The following SH2D6 variants were observed in gnomAD, a reference collection of about 807,000 sequenced individuals.
SH2D6 encodes the protein SH2 domain-containing protein 6.
Under a neutral mutation model 30.2 loss-of-function variants are expected in SH2D6, and 31 were observed. The observed-to-expected ratio is 1.03, with a 90% CI of 0.77 to 1.38. The LOEUF is 1.38. Among genes scored for constraint, SH2D6 ranks in the 40% most tolerant of loss-of-function variants. SH2D6 has a pLI of 0.00. For synonymous variants in SH2D6, 93 were observed against 104.6 expected, an observed-to-expected ratio of 0.89 and a Z score of 0.68; for missense variants, 240 against 266.8, an observed-to-expected ratio of 0.90 and a Z score of 0.70.
intron 16 of SH2D6, 22 bp from the exon 17 acceptor site, chr2:85,434,011 A>C (rs1302817011): frequency 6.5e-6 from 10 of 1,547,656 alleles, no homozygotes; most frequent in Non-Finnish European, 8.7e-6. Flanking sequence ...AGCCGAGCCC[A>C]GCCTGCCCCT....
At chr2:85,422,398 A>C (rs893110243) in intron 3 of SH2D6, 32 bp from the exon 4 acceptor site, 8 of 152,298 alleles carry the variant, frequency 5.3e-5, no homozygotes, top group African/African-American at 1.9e-4. Context: ...GATTGAGTAA[A>C]TATCTAGAAA....
chr2:85,427,365 C>A (rs933290922), intron 6 of SH2D6, among the ~76,000 whole-genome samples: 29 of 152,246 alleles, frequency 1.9e-4, no homozygotes, highest in Non-Finnish European at 8.8e-5. Context: ...GAGAATGTCC[C>A]AATCTGCCTG....
At chr2:85,427,355 G>A (rs1268825877) in intron 6 of SH2D6, among the ~76,000 whole-genome samples, 1 of 152,234 alleles carries the variant, frequency 6.6e-6, no homozygotes, top group Non-Finnish European at 1.5e-5. Context: ...GATGGATAAA[G>A]AGAATGTCCC....
chr2:85,430,968 G>A lies in SH2D6; in HGVS notation c.251-242G>A, dbSNP rs1459752243. Among the ~76,000 whole-genome samples, 5 of 152,134 alleles carry A rather than the reference G, an allele frequency of 3.3e-5. No homozygotes were observed. The highest frequency in any genetic ancestry group is 1.2e-4 in the African/African-American group (5 of 41,424). On this transcript the variant is annotated intron_variant, in intron 12 of 23. Transcript: ENST00000469800. The surrounding 1 kb of genome is among the most constrained non-coding windows in gnomAD (Gnocchi z 4.3). ...AACACTTCTTCAGGCCAAGGGCGGG[G>A]GTGCTGGGAGAGCCCCGGCTGCCGC...
In SH2D6 at chr2:85,423,897, G is replaced by T. The variant is rs114535629; in HGVS notation, c.-309+1207G>T. 1.4e-3 allele frequency among the ~76,000 whole-genome samples: 208 copies of T among 152,330 alleles called. 2 individuals carry two copies. The highest frequency in any genetic ancestry group is 4.7e-3 in the African/African-American group (195 of 41,576). ...AACTTGAACCCAACCACAGAGTTCC[G>T]TTGGCTGTAGGCCCTTCCACCAGGA... On this transcript the variant is annotated intron_variant, in intron 5 of 23. Transcript: ENST00000469800.
In SH2D6 at chr2:85,434,127, G is replaced by C. The variant is rs1689099630; in HGVS notation, c.533+16G>C. 2 of 1,549,776 alleles carry C rather than the reference G, an allele frequency of 1.3e-6. No individual in the cohort carries two copies. The highest frequency in any genetic ancestry group is 1.4e-5 in the African/African-American group (1 of 73,158). ...TGGTGCCCAGGTAAGTGCCCCACCA[G>C]GTGTGCACCTGTGTGTATGTATGTG... On this transcript the variant is annotated intron_variant, in intron 17 of 23. Coordinates refer to ENST00000469800, the MANE Select transcript of SH2D6 (RefSeq NM_001394463.1).
intron 17 of SH2D6, 34 bp downstream of exon 17, chr2:85,434,145 T>G: frequency 1.9e-6 from 3 of 1,543,762 alleles, no homozygotes; most frequent in Non-Finnish European, 8.8e-7. Flanking sequence ...CCTGTGTGTA[T>G]GTATGTGAGA....
At position 85,435,439 on chromosome 2, in the gene SH2D6, G is replaced by A; in HGVS notation, c.675G>A (p.Trp225Ter). The stretch of plus-strand genomic sequence containing the variant: ...ACAGTGATCTGCTGACTCAGCCTTG[G>A]TACTCGGGGAACTGTGACCGCTATG... ...AEDSDLLTQP[W>*]YSGNCDRYAV... Residue 225 changes from tryptophan (W) to a stop codon, truncating the protein, a stop_gained, in exon 21 of 24, where the codon TGG (tryptophan) becomes TGA (stop). Transcript: ENST00000469800. LOFTEE classifies it high-confidence loss of function. The A allele has an allele frequency of 1.9e-6, 3 of 1,613,908 alleles. No individual in the cohort carries two copies. Among genetic ancestry groups the A allele is most frequent in the Non-Finnish European group, 2.5e-6 (3 of 1,179,998 alleles).
intron 19 of SH2D6, 48 bp from the exon 20 acceptor site, chr2:85,435,011 GCCCACC>G: frequency 1.1e-6 from 1 of 932,128 alleles, no homozygotes; most frequent in Non-Finnish European, 1.4e-6. Context: ...AGCCACCTTT[GCCCACC>G]CCCACCCCAC....
chr2:85,432,458 GGC>G (rs1369856078), intron 14 of SH2D6, among the ~76,000 whole-genome samples: 1 of 150,816 alleles, frequency 6.6e-6, no homozygotes, highest in African/African-American at 2.4e-5. Context: ...GGAGTGCAGT[GGC>G]GCAATCTCGG....
At chr2:85,424,161 C>G (rs1006232376) in intron 5 of SH2D6, among the ~76,000 whole-genome samples, 2 of 152,236 alleles carry the variant, frequency 1.3e-5, no homozygotes, top group Non-Finnish European at 2.9e-5. Flanking sequence ...CCTTTCTACC[C>G]CACCTAAACT....
At chr2:85,428,896 A>C (rs1688294503) in intron 7 of SH2D6, among the ~76,000 whole-genome samples, 199 bp downstream of exon 7, 2 of 152,210 alleles carry the variant, frequency 1.3e-5, no homozygotes, top group Non-Finnish European at 2.9e-5. Context: ...CGGCATCTTC[A>C]ACGCCTGGAA....
chr2:85,423,853 C>T (rs952165641), intron 5 of SH2D6, among the ~76,000 whole-genome samples: 2 of 152,244 alleles, frequency 1.3e-5, no homozygotes, highest in South Asian at 2.1e-4. Context: ...TGCTGTCCCC[C>T]GGGATTGCCC....
intron 15 of SH2D6, 83 bp downstream of exon 15, chr2:85,433,204 C>T: frequency 3.4e-6 from 3 of 894,204 alleles, no homozygotes; most frequent in Non-Finnish European, 4.0e-6. Context: ...CTAGGGAGGG[C>T]CAGGAAATAT....
intron 23 of SH2D6, 66 bp downstream of exon 23, chr2:85,436,660 C>G (rs1373653174): frequency 1.7e-6 from 2 of 1,147,516 alleles, no homozygotes; most frequent in African/African-American, 3.0e-5. Flanking sequence ...CTTCCTCTCT[C>G]CTTCCCCACC....
At chr2:85,423,325 A>G (rs898302019) in intron 5 of SH2D6, among the ~76,000 whole-genome samples, 1 of 152,166 alleles carries the variant, frequency 6.6e-6, no homozygotes, top group Non-Finnish European at 1.5e-5. Flanking sequence ...CCCACCTCCC[A>G]GGTTCAAGTG....
At chr2:85,426,057 C>G (rs1376706910) in intron 6 of SH2D6, among the ~76,000 whole-genome samples, 3 of 152,164 alleles carry the variant, frequency 2.0e-5, no homozygotes, top group Non-Finnish European at 4.4e-5. Flanking sequence ...CCCTTCTGTT[C>G]TTGGTGAGCC....
rs577779433 is a variant in SH2D6, at chr2:85,419,655, G to A, written c.-577+411G>A. Reference sequence around the variant, plus strand: ...TCCATTTTCAGCTTTTACACTTCCTGATCTGGGCATATACTGCTACATACT... The same window carrying A: ...TCCATTTTCAGCTTTTACACTTCCTAATCTGGGCATATACTGCTACATACT... On this transcript the variant is annotated intron_variant, in intron 2 of 23. Coordinates refer to ENST00000469800, the MANE Select transcript of SH2D6 (RefSeq NM_001394463.1). Among the ~76,000 whole-genome samples the A allele has an allele frequency of 5.3e-5, 8 of 152,304 alleles. No individual in the cohort carries two copies. In the East Asian group the frequency reaches 1.5e-3, roughly 29 times the overall value.
intron 19 of SH2D6, chr2:85,434,812 G>C: frequency 6.9e-7 from 1 of 1,457,772 alleles, no homozygotes; most frequent in Middle Eastern, 2.6e-4. Context: ...TCCGGTGCCT[G>C]CACCAAATCA....
Sources: gnomAD v4.1 joint callset for allele counts (sites outside exome capture counted in the v4.1 genomes callset) on GRCh38, gnomAD v4.1.1 for gene constraint, Gnocchi (gnomAD v3.1) non-coding constraint, MANE v1.5 for transcripts, NCBI Gene and HGNC (gene_info 2026-07-23, HGNC 2026-07-21) for gene names.